CREB5: variants seen among roughly 807,000 people sequenced by gnomAD.
CREB5 encodes the protein cAMP responsive element binding protein 5, also known as cyclic AMP-responsive element-binding protein 5.
A neutral mutation model predicts 57.1 loss-of-function variants in CREB5; 19 were observed. The ratio of observed to expected loss-of-function variants is 0.33; its 90% CI spans 0.23 to 0.49. CREB5 has a LOEUF of 0.49. CREB5 is among the 20% of genes least tolerant of loss of function. CREB5 has a pLI of 0.99. For missense variants in CREB5, 579 were observed against 671.6 expected (o/e 0.86, Z 1.52); for synonymous variants, 238 against 238.3 (o/e 1.00, Z 0.01).
chr7:28,336,673 TC>T (rs1262996302), intron 1 of CREB5, among the ~76,000 whole-genome samples: 6 of 152,092 alleles, frequency 3.9e-5, no homozygotes, highest in African/African-American at 1.4e-4. Flanking sequence ...TGTATTATTT[TC>T]TTTATTACAA....
intron 7 of CREB5, among the ~76,000 whole-genome samples, chr7:28,741,567 C>T (rs1031261994): frequency 6.6e-6 from 1 of 152,166 alleles, no homozygotes; most frequent in African/African-American, 2.4e-5. Flanking sequence ...GAGATAGCTC[C>T]ATACCAACAA....
chr7:28,367,356 C>A (rs1050119065), intron 1 of CREB5, among the ~76,000 whole-genome samples: 2 of 152,212 alleles, frequency 1.3e-5, no homozygotes, highest in Non-Finnish European at 2.9e-5. Flanking sequence ...AGTCATGATT[C>A]TCCGGCACCA....
chr7:28,440,889 G>A (rs2128560505), intron 1 of CREB5, among the ~76,000 whole-genome samples: 1 of 152,298 alleles, frequency 6.6e-6, no homozygotes, highest in South Asian at 2.1e-4. Context: ...AAGGAGATTG[G>A]CCACGGCCAT....
At chr7:28,455,654 C>A (rs1341890918) in intron 1 of CREB5, among the ~76,000 whole-genome samples, 1 of 150,158 alleles carries the variant, frequency 6.7e-6, no homozygotes, top group Non-Finnish European at 1.5e-5. Context: ...GAATACTGCG[C>A]TTTGGGGCTT....
rs140107773 is a variant in CREB5, at chr7:28,483,513, T to G, written c.4-4662T>G. 1.6e-4 allele frequency among the ~76,000 whole-genome samples: 25 copies of G among 152,310 alleles called. 1 individual carries two copies. The highest frequency in any genetic ancestry group is 3.4e-3 in the Middle Eastern group (1 of 294). ...GAAATTAAAATCAGGAGGCATTTTT[T>G]TCTAGTTGACTGTTGATGCTGAATT... On this transcript the variant is annotated intron_variant, in intron 1 of 10. Coordinates refer to ENST00000357727, the MANE Select transcript of CREB5 (RefSeq NM_182898.4).
chr7:28,666,264 C>A (rs140334201), intron 5 of CREB5, among the ~76,000 whole-genome samples: 6 of 152,132 alleles, frequency 3.9e-5, no homozygotes, highest in Non-Finnish European at 7.4e-5. Flanking sequence ...TGTGCCCACC[C>A]CTTATAAATG....
At chr7:28,507,516 TA>T in intron 3 of CREB5, 99 bp from the exon 4 acceptor site, 1 of 1,403,744 alleles carries the variant, frequency 7.1e-7, no homozygotes, top group Admixed American at 2.3e-5. Context: ...GTGGACATTT[TA>T]ATTAAGGCAA....
At chr7:28,324,052 C>T (rs1410254497) in intron 1 of CREB5, among the ~76,000 whole-genome samples, 10 of 152,244 alleles carry the variant, frequency 6.6e-5, no homozygotes, top group South Asian at 2.1e-4. Flanking sequence ...TGATGGAGAG[C>T]GGCTGTAAAC....
intron 7 of CREB5, among the ~76,000 whole-genome samples, chr7:28,747,208 C>T (rs192495396): frequency 2.4e-4 from 37 of 151,792 alleles, no homozygotes; most frequent in Admixed American, 1.1e-3. Flanking sequence ...GGAAAAGATA[C>T]AGGGAGACAG....
chr7:28,307,168 T>G (rs1332030021), intron 1 of CREB5, among the ~76,000 whole-genome samples: 1 of 152,206 alleles, frequency 6.6e-6, no homozygotes, highest in East Asian at 1.9e-4. Flanking sequence ...ATGTTGCTTG[T>G]GATAGGATGC....
chr7:28,523,188 C>T (rs1793285403), intron 4 of CREB5, among the ~76,000 whole-genome samples: 1 of 152,118 alleles, frequency 6.6e-6, no homozygotes, highest in South Asian at 2.1e-4. Flanking sequence ...AGTTGCTATG[C>T]CATCACTTTT....
chr7:28,412,870 G>A lies in CREB5; in HGVS notation c.-45G>A. ...AAGAAAGGAAGAAAAAACTTGATTT[G>A]GTGACTGCAGGAAGCAACACGTTGC... On this transcript the variant is annotated 5_prime_UTR_variant, in exon 1 of 11. Transcript: ENST00000357727. 1 of 1,455,790 alleles carries A rather than the reference G, an allele frequency of 6.9e-7. No individual in the cohort carries two copies. Among genetic ancestry groups the A allele is most frequent in the African/African-American group, 1.4e-5 (1 of 70,284 alleles). The allele number at this position is 1,455,790 out of a possible 1,614,324, so 90.2% of individuals were successfully genotyped here. A position where few individuals can be genotyped will look rare whatever the true frequency, so the allele number is the denominator to read the frequency against.
At chr7:28,723,748 A>T (rs536842365) in intron 6 of CREB5, among the ~76,000 whole-genome samples, 67 of 152,324 alleles carry the variant, frequency 4.4e-4, no homozygotes, top group African/African-American at 1.6e-3. Context: ...TTAGAGACAA[A>T]AAAAGCCATA....
chr7:28,346,188 A>T (rs1367512369), intron 1 of CREB5, among the ~76,000 whole-genome samples: 3 of 152,238 alleles, frequency 2.0e-5, no homozygotes. Context: ...CATCTGTCTT[A>T]GTCTATTTAG....
At chr7:28,372,034 C>G (rs1409289609) in intron 1 of CREB5, among the ~76,000 whole-genome samples, 2 of 152,052 alleles carry the variant, frequency 1.3e-5, no homozygotes, top group Admixed American at 6.6e-5. Flanking sequence ...TGGGGAGTAT[C>G]GAGCCCAGAA....
At chr7:28,612,974 C>T (rs73684204) in intron 5 of CREB5, among the ~76,000 whole-genome samples, 2,749 of 152,162 alleles carry the variant, frequency 0.018, 90 homozygotes, top group African/African-American at 0.063. Context: ...CAAATGTAGT[C>T]GTTATGGGAA....
chr7:28,380,744 C>A (rs1393406412), intron 1 of CREB5, among the ~76,000 whole-genome samples: 1 of 152,136 alleles, frequency 6.6e-6, no homozygotes, highest in Non-Finnish European at 1.5e-5. Flanking sequence ...CCATTTTTGA[C>A]TCTTCTTTCT....
chr7:28,694,123 C>A (rs144712594), intron 5 of CREB5, among the ~76,000 whole-genome samples: 11 of 152,280 alleles, frequency 7.2e-5, no homozygotes, highest in African/African-American at 2.4e-4. Context: ...AGAGTAACTT[C>A]TTTTGCATCT....
At chr7:28,759,011 TG>T (rs35967244) in intron 7 of CREB5, among the ~76,000 whole-genome samples, 36,493 of 152,118 alleles carry the variant, frequency 0.24, 5,198 homozygotes, top group Non-Finnish European at 0.33. Flanking sequence ...CTAATTTGTA[TG>T]GGGGTGATTA....
Sources: gnomAD v4.1 joint callset for allele counts (sites outside exome capture counted in the v4.1 genomes callset) on GRCh38, gnomAD v4.1.1 for gene constraint, MANE v1.5 for transcripts, NCBI Gene and HGNC (gene_info 2026-07-23, HGNC 2026-07-21) for gene names.